The following RBFOX1 variants were observed in gnomAD, a reference collection of about 807,000 sequenced individuals.
RBFOX1 encodes RNA binding protein fox-1 homolog 1.
In RBFOX1, 8 loss-of-function variants were observed where a neutral mutation model predicts 57.7. That is an observed-to-expected ratio of 0.14 (90% CI 0.08 to 0.25). The LOEUF (loss-of-function observed/expected upper bound fraction) is 0.25, where lower values mean the gene tolerates loss of function less well. RBFOX1 is among the 10% of genes least tolerant of loss of function. RBFOX1 has a pLI of 1.00. For synonymous variants in RBFOX1, 326 were observed against 222.4 expected, an observed-to-expected ratio of 1.47 and a Z score of -4.15; for missense variants, 611 against 548.5, an observed-to-expected ratio of 1.11 and a Z score of -1.14.
chr16:5,902,550 G>GCACCC (rs1320861753), intron 4 of RBFOX1, among the ~76,000 whole-genome samples: 1 of 152,140 alleles, frequency 6.6e-6, no homozygotes, highest in Admixed American at 6.5e-5. Context: ...CGAGTAGCTG[G>GCACCC]GATTGCAGGT....
intron 4 of RBFOX1, among the ~76,000 whole-genome samples, chr16:7,200,656 T>G (rs2088127986): frequency 1.3e-5 from 2 of 152,178 alleles, no homozygotes; most frequent in African/African-American, 2.4e-5. Flanking sequence ...TTGGAAATAG[T>G]TCACTTAGTC....
At chr16:7,244,872 C>G (rs577304784) in intron 4 of RBFOX1, among the ~76,000 whole-genome samples, 18 of 152,168 alleles carry the variant, frequency 1.2e-4, no homozygotes, top group Non-Finnish European at 2.4e-4. Flanking sequence ...AGATATTCCT[C>G]TACTGTAAGA....
chr16:5,719,551 C>T (rs1009925292), intron 3 of RBFOX1, among the ~76,000 whole-genome samples: 5 of 152,078 alleles, frequency 3.3e-5, no homozygotes, highest in Admixed American at 3.3e-4. Flanking sequence ...ACCCATTAAG[C>T]AGTAACTCCC....
chr16:5,311,378 C>T (rs1349273659), intron 1 of RBFOX1, among the ~76,000 whole-genome samples: 1 of 152,184 alleles, frequency 6.6e-6, no homozygotes, highest in South Asian at 2.1e-4. Flanking sequence ...ATGCAGGTGT[C>T]TTCTTGCTAT....
At chr16:5,501,514 C>G (rs2043197620) in intron 2 of RBFOX1, among the ~76,000 whole-genome samples, 1 of 151,996 alleles carries the variant, frequency 6.6e-6, no homozygotes. Context: ...TCTCTGGAGG[C>G]AGATGGGCTG....
At chr16:7,637,553 A>C (rs1162942832) in intron 11 of RBFOX1, among the ~76,000 whole-genome samples, 1 of 152,202 alleles carries the variant, frequency 6.6e-6, no homozygotes, top group East Asian at 1.9e-4. Context: ...TCTGTAATTA[A>C]AGTAAGGACC....
At chr16:7,065,790 C>G (rs1188976018) in intron 4 of RBFOX1, among the ~76,000 whole-genome samples, 3 of 152,096 alleles carry the variant, frequency 2.0e-5, no homozygotes, top group African/African-American at 7.2e-5. Flanking sequence ...TATTATTTGA[C>G]CAATATCTCC....
chr16:6,905,787 G>T (rs895174356), intron 3 of RBFOX1, among the ~76,000 whole-genome samples: 3 of 152,194 alleles, frequency 2.0e-5, no homozygotes, highest in Non-Finnish European at 4.4e-5. Flanking sequence ...GACAGACTGA[G>T]CCGGTCCTGC....
intron 2 of RBFOX1, among the ~76,000 whole-genome samples, chr16:6,362,599 G>A (rs991189255): frequency 6.6e-6 from 1 of 152,156 alleles, no homozygotes; most frequent in Non-Finnish European, 1.5e-5. Flanking sequence ...ATTAGATTAG[G>A]TTAAGGTAGA....
chr16:6,964,447 T>C (rs1460914988), intron 3 of RBFOX1, among the ~76,000 whole-genome samples: 1 of 152,106 alleles, frequency 6.6e-6, no homozygotes. Flanking sequence ...GAAACTCTGC[T>C]CTTTGGGTGA....
chr16:5,897,630 C>G (rs1413284988), intron 4 of RBFOX1, among the ~76,000 whole-genome samples: 2 of 152,118 alleles, frequency 1.3e-5, no homozygotes, highest in Non-Finnish European at 1.5e-5. Flanking sequence ...ACCAAGGCCC[C>G]TCAAGGTGGG....
intron 3 of RBFOX1, among the ~76,000 whole-genome samples, chr16:6,960,589 A>C (rs2082754895): frequency 1.3e-5 from 2 of 150,762 alleles, no homozygotes; most frequent in African/African-American, 2.4e-5. Flanking sequence ...CTCCTTCCAA[A>C]CTCTGCAGAG....
intron 3 of RBFOX1, among the ~76,000 whole-genome samples, chr16:6,684,173 T>C (rs1275398312): frequency 6.6e-6 from 1 of 152,212 alleles, no homozygotes; most frequent in Non-Finnish European, 1.5e-5. Context: ...GGATCTGATG[T>C]TAAACGCAAG....
chr16:6,189,908 A>C (rs974820004), intron 1 of RBFOX1, among the ~76,000 whole-genome samples: 2 of 152,104 alleles, frequency 1.3e-5, no homozygotes, highest in African/African-American at 4.8e-5. Context: ...CCTGTGCTTG[A>C]GGGGTATTGC....
intron 4 of RBFOX1, among the ~76,000 whole-genome samples, chr16:7,064,161 CTTTTTTTT>C (rs869135535): frequency 1.0e-5 from 1 of 96,830 alleles, no homozygotes; most frequent in African/African-American, 4.3e-5. Flanking sequence ...GACTGGTGTT[CTTTTTTTT>C]TTTTTTTTTT....
At chr16:7,011,945 G>A (rs774731450) in intron 3 of RBFOX1, among the ~76,000 whole-genome samples, 8 of 152,280 alleles carry the variant, frequency 5.3e-5, no homozygotes, top group Admixed American at 6.5e-5. Context: ...CTGGAAATAC[G>A]CCCTTCATTA....
chr16:6,050,535 C>A lies in RBFOX1; in HGVS notation c.-127+30543C>A, dbSNP rs552612531. Among the ~76,000 whole-genome samples the A allele has an allele frequency of 2.0e-5, 3 of 152,184 alleles. No individual in the cohort carries two copies. In the South Asian group the frequency reaches 6.2e-4, roughly 32 times the overall value. On this transcript the variant is annotated intron_variant, in intron 1 of 15. Transcript: ENST00000550418. ...AGAGGTACATTGATCGATTGTCTCC[C>A]TTTTTGTGGTGCTATTTAATCTCCA...
intron 5 of RBFOX1, among the ~76,000 whole-genome samples, chr16:7,544,759 T>TAATA (rs1350039462): frequency 6.6e-6 from 1 of 152,252 alleles, no homozygotes; most frequent in Non-Finnish European, 1.5e-5. Context: ...CCTAGGAAAG[T>TAATA]AATAGCACAT....
At chr16:6,589,986 C>T (rs776814152) in intron 2 of RBFOX1, among the ~76,000 whole-genome samples, 4 of 152,158 alleles carry the variant, frequency 2.6e-5, no homozygotes, top group Non-Finnish European at 5.9e-5. Context: ...AGTCACTCCT[C>T]TTCTGATAGA....
Sources: allele counts gnomAD v4.1 joint callset (sites outside exome capture counted in the v4.1 genomes callset), GRCh38; gene constraint gnomAD v4.1.1; transcripts MANE v1.5; gene names NCBI Gene and HGNC (gene_info 2026-07-23, HGNC 2026-07-21).